FBXL18: variants seen among roughly 807,000 people sequenced by gnomAD.
The protein encoded by FBXL18 is F-box and leucine rich repeat protein 18.
FBXL18 carries 36 observed loss-of-function variants against 46.0 expected under a neutral mutation model. The ratio of observed to expected loss-of-function variants is 0.78; its 90% CI spans 0.60 to 1.03. The LOEUF (loss-of-function observed/expected upper bound fraction) is 1.03, where lower values mean the gene tolerates loss of function less well. FBXL18 is among the 50% of genes least tolerant of loss of function. The probability of loss-of-function intolerance (pLI) is 0.00; values close to 1 mark genes in which losing one functional copy is unlikely to be tolerated. For missense variants in FBXL18, 977 were observed against 1,004.1 expected (o/e 0.97, Z 0.36); for synonymous variants, 557 against 465.3 (o/e 1.20, Z -2.54).
intron 2 of FBXL18, among the ~76,000 whole-genome samples, chr7:5,504,310 A>T (rs879554389): frequency 9.9e-5 from 15 of 151,182 alleles, no homozygotes; most frequent in Non-Finnish European, 1.9e-4. Flanking sequence ...GGCACCTGTA[A>T]TCCCAGCTAC....
At position 5,478,350 on chromosome 7, in the gene FBXL18, A is replaced by G. The variant is rs1783564023; in HGVS notation, c.*3425T>C. The G allele has an allele frequency of 6.6e-6, 1 of 152,284 alleles. No homozygotes were observed. The highest frequency in any genetic ancestry group is 2.4e-5 in the African/African-American group (1 of 41,458). 9.4% of individuals were successfully genotyped at this position (152,284 alleles called of 1,614,324 possible). On this transcript the variant is annotated 3_prime_UTR_variant, in exon 5 of 5. Transcript: ENST00000382368. ...ACAAGAAAAGCCTTCCATAGCAGAA[A>G]GGAGTACTCAAGGCCCAGAAAGGCA...
intron 4 of FBXL18, among the ~76,000 whole-genome samples, chr7:5,459,454 A>G (rs1453742111): frequency 6.6e-6 from 1 of 152,138 alleles, no homozygotes; most frequent in Non-Finnish European, 1.5e-5. Flanking sequence ...AACACAAAAA[A>G]TGCTGGCTGG....
chr7:5,501,864 G>A lies in FBXL18; in HGVS notation c.405C>T (p.Arg135=), dbSNP rs1282523371. ...NLSGCHLTSL[R]LSKMLSALQH... ...GCAGGGCCGAGAGCATCTTGGAGAG[G>A]CGCAGGGAAGTGAGGTGGCAGCCCG... The change falls in exon 3 of 5, where the codon CGC becomes CGT. Residue 135 remains arginine, a synonymous_variant. Coordinates refer to ENST00000382368, the MANE Select transcript of FBXL18 (RefSeq NM_024963.6). 1.2e-6 allele frequency: 2 copies of A among 1,602,282 alleles called. No individual in the cohort carries two copies. The highest frequency in any genetic ancestry group is 1.1e-5 in the South Asian group (1 of 88,570).
intron 3 of FBXL18, chr7:5,495,964 T>TG (rs1784068564): frequency 2.2e-6 from 1 of 455,880 alleles, no homozygotes; most frequent in Non-Finnish European, 4.6e-6. Context: ...TCTCTCAGGC[T>TG]GGCCCACAAA....
chr7:5,493,152 T>A (rs529261673), intron 3 of FBXL18, among the ~76,000 whole-genome samples: 3 of 152,108 alleles, frequency 2.0e-5, no homozygotes, highest in African/African-American at 7.2e-5. Flanking sequence ...CTGGGCGACA[T>A]AGTGAGAGCC....
downstream of FBXL18, among the ~76,000 whole-genome samples, chr7:5,472,552 GGGCCACATGGAGA>G (rs67043051): frequency 0.41 from 62,875 of 151,600 alleles, 13,477 homozygotes; most frequent in South Asian, 0.53. Flanking sequence ...CCACATGGAG[GGGCCACATGGAGA>G]GGCCACGTGA....
chr7:5,484,999 C>G (rs1358863063), intron 4 of FBXL18, among the ~76,000 whole-genome samples: 1 of 152,120 alleles, frequency 6.6e-6, no homozygotes, highest in Admixed American at 6.6e-5. Flanking sequence ...CCAGCCTGGT[C>G]TCAAACTCCT....
intron 2 of FBXL18, among the ~76,000 whole-genome samples, chr7:5,504,087 G>A (rs1352820700): frequency 3.3e-5 from 5 of 151,358 alleles, no homozygotes; most frequent in Non-Finnish European, 7.4e-5. Flanking sequence ...TACCAGCGTT[G>A]CAGGGAGCAC....
At chr7:5,468,887 C>T (rs1197965636) in intron 4 of FBXL18, among the ~76,000 whole-genome samples, 4 of 152,184 alleles carry the variant, frequency 2.6e-5, no homozygotes, top group African/African-American at 9.7e-5. Context: ...AGGCATGAGC[C>T]AACATGCCAG....
At chr7:5,509,985 G>A (rs914434103) in intron 1 of FBXL18, among the ~76,000 whole-genome samples, 2 of 152,052 alleles carry the variant, frequency 1.3e-5, no homozygotes, top group South Asian at 2.1e-4. Flanking sequence ...AAAAAAGGTG[G>A]CAAGCTCTGG....
rs750093868 is a variant in FBXL18 at position 5,500,565 on chromosome 7, C to G, written c.1704G>C (p.Leu568=). 20 of 1,613,480 alleles carry G rather than the reference C, an allele frequency of 1.2e-5. No homozygotes were observed. The highest frequency in any genetic ancestry group is 1.4e-5 in the Non-Finnish European group (17 of 1,179,904). ...QQLRSLSLAN[L]GMMGKVVYMP... ...TGTACACCACCTTCCCCATCATGCC[C>G]AGGTTGGCCAGCGACAGGGACCGCA... The change falls in exon 3 of 5, where the codon CTG becomes CTC. Residue 568 remains leucine, a synonymous_variant. Coordinates refer to ENST00000382368, the MANE Select transcript of FBXL18 (RefSeq NM_024963.6).
chr7:5,497,507 C>G (rs1283941912), intron 3 of FBXL18, among the ~76,000 whole-genome samples: 1 of 152,168 alleles, frequency 6.6e-6, no homozygotes, highest in East Asian at 1.9e-4. Context: ...CTTCTCAACC[C>G]AACACTAACA....
chr7:5,495,821 C>A (rs766808540), intron 3 of FBXL18: 6 of 477,704 alleles, frequency 1.3e-5, no homozygotes, highest in African/African-American at 2.0e-5. Context: ...AGGAACGGGG[C>A]CAGCTGGCAG....
intron 4 of FBXL18, among the ~76,000 whole-genome samples, chr7:5,457,836 C>T (rs6956857): frequency 0.045 from 6,860 of 152,238 alleles, 502 homozygotes; most frequent in African/African-American, 0.16. Context: ...AAGGCCATCC[C>T]TATCGCTGTG....
intron 4 of FBXL18, among the ~76,000 whole-genome samples, chr7:5,486,803 G>A (rs957839797): frequency 6.6e-6 from 1 of 152,348 alleles, no homozygotes; most frequent in East Asian, 1.9e-4. Context: ...CAGCAGCCAC[G>A]ACACCGGCCG....
chr7:5,495,644 C>G (rs1784057137), intron 3 of FBXL18, among the ~76,000 whole-genome samples: 1 of 152,176 alleles, frequency 6.6e-6, no homozygotes, highest in African/African-American at 2.4e-5. Context: ...GCTCTGCCAC[C>G]AAAGAGACTC....
At chr7:5,459,321 G>A (rs756310896) in intron 4 of FBXL18, among the ~76,000 whole-genome samples, 11 of 152,070 alleles carry the variant, frequency 7.2e-5, no homozygotes, top group East Asian at 1.9e-4. Context: ...AGCACAAGGG[G>A]GCCGGGCGTG....
At chr7:5,486,063 AAATAAAT>A in intron 4 of FBXL18, among the ~76,000 whole-genome samples, 1 of 12,552 alleles carries the variant, frequency 8.0e-5, no homozygotes, top group African/African-American at 1.4e-3. Context: ...TGTCTCAAAA[AAATAAAT>A]AAATAAATAA....
At chr7:5,504,990 G>A (rs1344859230) in intron 2 of FBXL18, among the ~76,000 whole-genome samples, 1 of 139,062 alleles carries the variant, frequency 7.2e-6, no homozygotes, top group Non-Finnish European at 1.5e-5. Context: ...ACCAAGTGTT[G>A]ACAAGGCTGC....
Sources: allele counts gnomAD v4.1 joint callset (sites outside exome capture counted in the v4.1 genomes callset), GRCh38; gene constraint gnomAD v4.1.1; transcripts MANE v1.5; gene names NCBI Gene and HGNC (gene_info 2026-07-23, HGNC 2026-07-21).